The following USH2A variants were observed in gnomAD, a reference collection of about 807,000 sequenced individuals.
USH2A encodes Usher syndrome 2A (autosomal recessive, mild).
A neutral mutation model predicts 538.9 loss-of-function variants in USH2A; 443 were observed. The ratio of observed to expected loss-of-function variants is 0.82; its 90% CI spans 0.76 to 0.89. The LOEUF is 0.89. Among genes scored for constraint, USH2A ranks in the 40% least tolerant of loss-of-function variants. The probability of loss-of-function intolerance (pLI) is 0.00; values close to 1 mark genes in which losing one functional copy is unlikely to be tolerated. For synonymous variants in USH2A, 2,413 were observed against 2,273.5 expected (o/e 1.06, Z -1.75); for missense variants, 6,633 against 6,324.8 (o/e 1.05, Z -1.65).
At chr1:216,053,144 G>A (rs1422873832) in intron 30 of USH2A, among the ~76,000 whole-genome samples, 1 of 152,166 alleles carries the variant, frequency 6.6e-6, no homozygotes, top group African/African-American at 2.4e-5. Context: ...AAAGAAGAAT[G>A]TTTGCATACG....
At chr1:216,075,388 G>T (rs948932818) in intron 27 of USH2A, among the ~76,000 whole-genome samples, 3 of 152,148 alleles carry the variant, frequency 2.0e-5, no homozygotes, top group Non-Finnish European at 4.4e-5. Context: ...ACAACAAAAG[G>T]AGAAAGGGGA....
chr1:216,157,775 A>G (rs1027642636), intron 21 of USH2A, among the ~76,000 whole-genome samples: 1 of 152,186 alleles, frequency 6.6e-6, no homozygotes, highest in Non-Finnish European at 1.5e-5. Context: ...GCACACATGG[A>G]CATAAACATG....
intron 64 of USH2A, among the ~76,000 whole-genome samples, chr1:215,652,675 C>T (rs1008029657): frequency 6.6e-6 from 1 of 152,190 alleles, no homozygotes; most frequent in African/African-American, 2.4e-5. Flanking sequence ...TGTCTCCTCA[C>T]TGTGCCCCAG....
At chr1:215,992,914 T>TA in intron 35 of USH2A, 106 bp downstream of exon 35, 23 of 1,548,972 alleles carry the variant, frequency 1.5e-5, no homozygotes, top group Non-Finnish European at 2.0e-5. Context: ...TTTTATGTGC[T>TA]AAAATGATCA....
chr1:216,153,340 C>G (rs1357232753), intron 21 of USH2A, among the ~76,000 whole-genome samples: 1 of 152,108 alleles, frequency 6.6e-6, no homozygotes, highest in African/African-American at 2.4e-5. Context: ...GACTGGAGCC[C>G]AAAAGTTCTT....
chr1:216,400,696 A>G (rs566574464), intron 3 of USH2A, among the ~76,000 whole-genome samples: 9 of 152,312 alleles, frequency 5.9e-5, no homozygotes, highest in Admixed American at 4.6e-4. Context: ...CAGCCAGAGG[A>G]ATGATGTAAA....
At chr1:215,817,606 A>G (rs765538902) in intron 47 of USH2A, among the ~76,000 whole-genome samples, 1 of 151,960 alleles carries the variant, frequency 6.6e-6, no homozygotes, top group Non-Finnish European at 1.5e-5. Context: ...CTGCTCAGAG[A>G]TGCCACGGGA....
chr1:215,897,602 T>G (rs1351249011), intron 40 of USH2A, among the ~76,000 whole-genome samples: 1 of 151,866 alleles, frequency 6.6e-6, no homozygotes, highest in Admixed American at 6.6e-5. Context: ...GGCAGAAGAA[T>G]TGCTTGAACC....
intron 19 of USH2A, chr1:216,195,985 A>G (rs2034833138): frequency 5.8e-6 from 1 of 172,866 alleles, no homozygotes; most frequent in African/African-American, 2.4e-5. Context: ...TTTAGCTATG[A>G]TAATTATTCT....
intron 3 of USH2A, among the ~76,000 whole-genome samples, chr1:216,370,899 G>A (rs550712584): frequency 1.3e-5 from 2 of 152,068 alleles, no homozygotes; most frequent in African/African-American, 4.8e-5. Flanking sequence ...TAGGAAAGGT[G>A]ACATCCCCTG....
At chr1:216,356,969 G>GTTTGAA (rs1175729274) in intron 4 of USH2A, among the ~76,000 whole-genome samples, 5 of 152,032 alleles carry the variant, frequency 3.3e-5, no homozygotes, top group African/African-American at 1.2e-4. Context: ...GATAATCGTT[G>GTTTGAA]TTTGAATTTT....
In USH2A at chr1:215,706,361, C is replaced by CT. The variant is rs573108839; in HGVS notation, c.12066+21668dup. On this transcript the variant is annotated intron_variant, in intron 61 of 71. Transcript: ENST00000307340. ...TGACCTAGGCCTGCCTACTGTTCTGCTTTTTGGGAGGTCAGGCTGGATGGT... is the reference window on the plus strand; with the variant it reads ...TGACCTAGGCCTGCCTACTGTTCTGCTTTTTTGGGAGGTCAGGCTGGATGGT... Among the ~76,000 whole-genome samples, 29 of 151,954 alleles carry CT rather than the reference C, an allele frequency of 1.9e-4. No individual in the cohort carries two copies. The South Asian group carries it at 6.1e-3, about 32-fold the overall frequency.
chr1:215,733,324 C>G (rs1270427592), intron 60 of USH2A, among the ~76,000 whole-genome samples: 1 of 152,092 alleles, frequency 6.6e-6, no homozygotes. Flanking sequence ...GGATCTGACC[C>G]CATTATGCAA....
At chr1:215,781,021 CCTTT>C (rs1473175833) in intron 54 of USH2A, among the ~76,000 whole-genome samples, 1 of 152,204 alleles carries the variant, frequency 6.6e-6, no homozygotes, top group Non-Finnish European at 1.5e-5. Context: ...ATGAAATGTC[CCTTT>C]CTTTATTTTA....
rs543373802 is a variant in USH2A, at chr1:215,859,509, G to A, written c.8845+7498C>T. Among the ~76,000 whole-genome samples, 155 of 152,244 alleles carry A rather than the reference G, an allele frequency of 1.0e-3. 1 individual carries two copies. Among genetic ancestry groups the A allele is most frequent in the African/African-American group, 3.6e-3 (149 of 41,580 alleles). On this transcript the variant is annotated intron_variant, in intron 44 of 71. Coordinates refer to ENST00000307340, the MANE Select transcript of USH2A (RefSeq NM_206933.4). ...AGATCACACCACTGCACTCCAGCCT[G>A]AGTGACAGAATGAGACTCCATCTCC...
rs556971419 is a variant in USH2A, at chr1:215,961,989, T to C, written c.7120+3328A>G. Among the ~76,000 whole-genome samples, 263 of 151,996 alleles carry C rather than the reference T, an allele frequency of 1.7e-3. 1 individual carries two copies. Among genetic ancestry groups the C allele is most frequent in the African/African-American group, 6.2e-3 (256 of 41,508 alleles). On this transcript the variant is annotated intron_variant, in intron 37 of 71. Coordinates refer to ENST00000307340, the MANE Select transcript of USH2A (RefSeq NM_206933.4). ...ATATAAAGAACTTCTTAAACCTCTG[T>C]AAAAATGTGGGCAAAAGATACAAAT...
At chr1:216,262,469 G>A (rs1329286466) in intron 11 of USH2A, among the ~76,000 whole-genome samples, 2 of 151,700 alleles carry the variant, frequency 1.3e-5, no homozygotes, top group African/African-American at 2.4e-5. Context: ...AGATCAAGCA[G>A]AAAAAAATGA....
chr1:215,924,607 ATT>A (rs67230265), intron 38 of USH2A, among the ~76,000 whole-genome samples: 12 of 150,274 alleles, frequency 8.0e-5, no homozygotes, highest in South Asian at 2.1e-4. Context: ...GACAGACATG[ATT>A]TTTTTTTTTA....
At chr1:216,156,878 CTT>C (rs397844581) in intron 21 of USH2A, among the ~76,000 whole-genome samples, 6 of 143,558 alleles carry the variant, frequency 4.2e-5, no homozygotes, top group Admixed American at 7.0e-5. Flanking sequence ...ACTTCTATCT[CTT>C]TTTTTTTTTT....
Sources: allele counts gnomAD v4.1 joint callset (sites outside exome capture counted in the v4.1 genomes callset), GRCh38; gene constraint gnomAD v4.1.1; transcripts MANE v1.5; gene names NCBI Gene and HGNC (gene_info 2026-07-23, HGNC 2026-07-21).